Variants in ZNF385D observed in about 807,000 individuals in gnomAD.
ZNF385D encodes the protein zinc finger protein 659.
Under a neutral mutation model 35.8 loss-of-function variants are expected in ZNF385D, and 15 were observed. The observed-to-expected ratio is 0.42, with a 90% CI of 0.28 to 0.64. The LOEUF (loss-of-function observed/expected upper bound fraction) is 0.64, where lower values mean the gene tolerates loss of function less well. ZNF385D is among the 30% of genes least tolerant of loss of function. ZNF385D has a pLI of 0.23. For synonymous variants in ZNF385D, 212 were observed against 186.8 expected (o/e 1.13, Z -1.10); for missense variants, 474 against 494.6 (o/e 0.96, Z 0.39).
intron 3 of ZNF385D, among the ~76,000 whole-genome samples, chr3:21,873,625 G>C (rs1029073022): frequency 6.6e-6 from 1 of 152,052 alleles, no homozygotes; most frequent in Non-Finnish European, 1.5e-5. Flanking sequence ...CTATTGAACA[G>C]AAACTTCCCA....
intron 2 of ZNF385D, among the ~76,000 whole-genome samples, chr3:22,200,743 G>A (rs1696734444): frequency 6.6e-6 from 1 of 152,034 alleles, no homozygotes; most frequent in African/African-American, 2.4e-5. Context: ...ATGCCCGGGG[G>A]GACCGTCTAT....
At chr3:21,708,181 G>A (rs1184768239) in intron 1 of ZNF385D, among the ~76,000 whole-genome samples, 2 of 152,168 alleles carry the variant, frequency 1.3e-5, no homozygotes, top group African/African-American at 2.4e-5. Flanking sequence ...AAGGAAAAAA[G>A]TAAAAGGAAA....
chr3:21,554,025 T>A (rs909161581), intron 3 of ZNF385D, among the ~76,000 whole-genome samples: 1 of 152,206 alleles, frequency 6.6e-6, no homozygotes, highest in African/African-American at 2.4e-5. Context: ...TAAATTCCTG[T>A]TAATGTGGAT....
intron 3 of ZNF385D, among the ~76,000 whole-genome samples, chr3:22,166,867 G>A (rs1423060515): frequency 2.0e-5 from 3 of 152,232 alleles, no homozygotes; most frequent in Admixed American, 2.0e-4. Flanking sequence ...TAACGCCAAA[G>A]CTTATGCTAT....
At chr3:22,049,776 T>C (rs1374915836) in intron 3 of ZNF385D, among the ~76,000 whole-genome samples, 2 of 152,286 alleles carry the variant, frequency 1.3e-5, no homozygotes, top group African/African-American at 4.8e-5. Context: ...TTGTTCCTCA[T>C]TCTGTTAATG....
chr3:21,814,754 G>T (rs865937819), intron 3 of ZNF385D, among the ~76,000 whole-genome samples: 1 of 152,252 alleles, frequency 6.6e-6, no homozygotes, highest in Middle Eastern at 3.4e-3. Context: ...ACACCCCACT[G>T]TCAACATTAG....
intron 3 of ZNF385D, among the ~76,000 whole-genome samples, chr3:21,975,725 A>ACACAC: frequency 3.1e-4 from 2 of 6,460 alleles, no homozygotes; most frequent in African/African-American, 3.9e-3. Flanking sequence ...ATATATATAT[A>ACACAC]TATATATATA....
At chr3:22,111,184 T>TTTTTTTTTTTTTC (rs1559377207) in intron 3 of ZNF385D, among the ~76,000 whole-genome samples, 1 of 126,950 alleles carries the variant, frequency 7.9e-6, no homozygotes, top group Non-Finnish European at 1.6e-5. Context: ...TTTGTTTTTT[T>TTTTTTTTTTTTTC]TGTACTCTCA....
chr3:21,511,109 T>C (rs1707169249), intron 3 of ZNF385D, 86 bp from the exon 4 acceptor site: 2 of 1,519,770 alleles, frequency 1.3e-6, no homozygotes, highest in Admixed American at 1.9e-5. Flanking sequence ...AGACTCCCTT[T>C]CAATAACAGG....
At chr3:22,098,434 A>C (rs967676307) in intron 3 of ZNF385D, among the ~76,000 whole-genome samples, 8 of 152,098 alleles carry the variant, frequency 5.3e-5, no homozygotes, top group Non-Finnish European at 1.0e-4. Context: ...GGAGAGGGGA[A>C]GATTTTCCTT....
At chr3:21,968,562 G>C (rs1352344202) in intron 3 of ZNF385D, among the ~76,000 whole-genome samples, 1 of 152,062 alleles carries the variant, frequency 6.6e-6, no homozygotes, top group Non-Finnish European at 1.5e-5. Flanking sequence ...CTTGCATCTT[G>C]AATACCCGTT....
chr3:22,195,900 T>G (rs1696381240), intron 2 of ZNF385D, among the ~76,000 whole-genome samples: 1 of 152,048 alleles, frequency 6.6e-6, no homozygotes, highest in African/African-American at 2.4e-5. Context: ...GAGAGTATCA[T>G]CCTTAGCAAA....
intron 2 of ZNF385D, among the ~76,000 whole-genome samples, chr3:22,197,667 T>G (rs1696510876): frequency 6.6e-6 from 1 of 152,104 alleles, no homozygotes; most frequent in African/African-American, 2.4e-5. Context: ...TCCAGTGTTT[T>G]TCACTCCTGT....
At chr3:22,049,328 A>T (rs1699204027) in intron 3 of ZNF385D, among the ~76,000 whole-genome samples, 1 of 151,842 alleles carries the variant, frequency 6.6e-6, no homozygotes, top group Non-Finnish European at 1.5e-5. Context: ...AAAATAAAAT[A>T]AAATAAATAA....
chr3:21,750,993 C>G lies in ZNF385D; in HGVS notation c.-77G>C, dbSNP rs7623075. ...CAAGGCTGGCACGTAGAGCAGAGCCCTTTCATGCTACATTCGGTGGAAATG... is the reference window on the plus strand; with the variant it reads ...CAAGGCTGGCACGTAGAGCAGAGCCGTTTCATGCTACATTCGGTGGAAATG... On this transcript the variant is annotated 5_prime_UTR_variant, in exon 1 of 8. Transcript: ENST00000281523. 8.7e-3 allele frequency: 14,019 copies of G among 1,611,912 alleles called. 1,020 individuals carry two copies. In the African/African-American group the frequency reaches 0.16, roughly 18 times the overall value.
At chr3:22,122,650 A>G (rs986138420) in intron 3 of ZNF385D, among the ~76,000 whole-genome samples, 5 of 152,212 alleles carry the variant, frequency 3.3e-5, no homozygotes, top group African/African-American at 9.6e-5. Flanking sequence ...TTGAATAATA[A>G]GTTCTATGGA....
intron 3 of ZNF385D, among the ~76,000 whole-genome samples, chr3:21,516,768 C>G (rs1181380878): frequency 6.6e-6 from 1 of 151,952 alleles, no homozygotes; most frequent in Non-Finnish European, 1.5e-5. Flanking sequence ...TTTGTTTTTT[C>G]TCCTGTTAAT....
intron 3 of ZNF385D, among the ~76,000 whole-genome samples, chr3:21,833,396 C>T (rs774277726): frequency 1.3e-5 from 2 of 152,128 alleles, no homozygotes; most frequent in Non-Finnish European, 2.9e-5. Context: ...ACCCTAAATG[C>T]AATCACATGT....
chr3:22,240,439 AGTTCCAGC>A, intron 2 of ZNF385D, among the ~76,000 whole-genome samples: 1 of 151,108 alleles, frequency 6.6e-6, no homozygotes, highest in South Asian at 2.2e-4. Flanking sequence ...TGTTCTGACC[AGTTCCAGC>A]CTACATCATG....
Sources: allele counts gnomAD v4.1 joint callset (sites outside exome capture counted in the v4.1 genomes callset), GRCh38; gene constraint gnomAD v4.1.1; transcripts MANE v1.5; gene names NCBI Gene and HGNC (gene_info 2026-07-23, HGNC 2026-07-21).